EDN1: variants seen among roughly 807,000 people sequenced by gnomAD.
The protein encoded by EDN1 is endothelin 1, also known as endothelin-1.
EDN1 carries 11 observed loss-of-function variants against 21.7 expected under a neutral mutation model. That is an observed-to-expected ratio of 0.51 (90% confidence interval 0.32 to 0.84). The LOEUF (loss-of-function observed/expected upper bound fraction) is 0.84, where lower values mean the gene tolerates loss of function less well. Among genes scored for constraint, EDN1 ranks in the 40% least tolerant of loss-of-function variants. The probability of loss-of-function intolerance (pLI) is 0.03; values close to 1 mark genes in which losing one functional copy is unlikely to be tolerated. For synonymous variants in EDN1, 85 were observed against 90.6 expected, an observed-to-expected ratio of 0.94 and a Z score of 0.35; for missense variants, 244 against 262.3, an observed-to-expected ratio of 0.93 and a Z score of 0.48.
chr6:12,234,218 A>T, the EDN1 span, among the ~76,000 whole-genome samples: 1 of 152,208 alleles, frequency 6.6e-6, no homozygotes, highest in African/African-American at 2.4e-5. Flanking sequence ...AAACTGGCAC[A>T]ATTTGAGAGC....
upstream of EDN1, chr6:12,290,298 A>G (rs1281883001): frequency 2.9e-6 from 1 of 348,352 alleles, no homozygotes; most frequent in African/African-American, 2.1e-5. Context: ...ATAAAGTCGG[A>G]GCTGTTTACC....
At chr6:12,264,571 G>T in the EDN1 span, among the ~76,000 whole-genome samples, 1 of 152,092 alleles carries the variant, frequency 6.6e-6, no homozygotes, top group Non-Finnish European at 1.5e-5. Flanking sequence ...AGGAAGAATT[G>T]TTTTGGGCCA....
At position 12,292,418 on chromosome 6, in the gene EDN1, C is replaced by G; in HGVS notation, c.142C>G (p.Arg48Gly). The G allele has an allele frequency of 6.2e-7, 1 of 1,614,212 alleles. No individual in the cohort carries two copies. The highest frequency in any genetic ancestry group is 8.5e-7 in the Non-Finnish European group (1 of 1,180,050). The change falls in exon 2 of 5, where the codon CGC becomes GGC. Residue 48 changes from arginine to glycine, a missense_variant. Arg to Gly is a moderately radical substitution (Grantham distance 125, BLOSUM62 -2). Transcript: ENST00000379375. ...KPTPSPPWRL[R>G]RSKRCSCSSL... ...CACTCCCAGTCCACCCTGGCGGCTC[C>G]GCCGGTCCAAGCGCTGCTCCTGCTC... is the stretch of plus-strand genomic sequence containing the variant.
the EDN1 span, among the ~76,000 whole-genome samples, chr6:12,233,167 C>G: frequency 6.6e-6 from 1 of 152,216 alleles, no homozygotes; most frequent in Non-Finnish European, 1.5e-5. Context: ...GGTCCTGAGT[C>G]CTTTTCAGCT....
upstream of EDN1, among the ~76,000 whole-genome samples, chr6:12,288,695 C>T (rs144185365): frequency 1.3e-5 from 2 of 152,268 alleles, no homozygotes; most frequent in Non-Finnish European, 1.5e-5. Flanking sequence ...CCTGTTCCCC[C>T]AGCTGTGACT....
At chr6:12,286,104 A>G (rs1012045608), upstream of EDN1, among the ~76,000 whole-genome samples, 8 of 152,268 alleles carry the variant, frequency 5.3e-5, no homozygotes, top group African/African-American at 1.9e-4. Flanking sequence ...AAAAATGTAC[A>G]GGTGGCACCC....
At position 12,294,259 on chromosome 6, in the gene EDN1, A is replaced by C; in HGVS notation, c.390-2A>C. The C allele has an allele frequency of 6.2e-7, 1 of 1,614,204 alleles. No homozygotes were observed. The highest frequency in any genetic ancestry group is 1.1e-5 in the South Asian group (1 of 91,078). ...AATGTTTTTCCTTGTGTATTTTAAC[A>C]GGGCTGAAGACATTATGGAGAAAGA... On this transcript the variant is annotated splice_acceptor_variant, in intron 3 of 4. Coordinates refer to ENST00000379375, the MANE Select transcript of EDN1 (RefSeq NM_001955.5). LOFTEE classifies it high-confidence loss of function.
At chr6:12,295,267 G>C (rs1233597209) in intron 4 of EDN1, among the ~76,000 whole-genome samples, 2 of 152,038 alleles carry the variant, frequency 1.3e-5, no homozygotes, top group Non-Finnish European at 2.9e-5. Context: ...CTACTTCTGA[G>C]TTATTTACTA....
chr6:12,278,166 A>G, the EDN1 span, among the ~76,000 whole-genome samples: 1 of 152,208 alleles, frequency 6.6e-6, no homozygotes, highest in African/African-American at 2.4e-5. Flanking sequence ...AGTATCTAGG[A>G]AGAGAAGCAG....
the EDN1 span, among the ~76,000 whole-genome samples, chr6:12,249,369 A>G: frequency 6.6e-6 from 1 of 152,128 alleles, no homozygotes; most frequent in South Asian, 2.1e-4. Context: ...CATTATATGG[A>G]TTGTAAAATG....
chr6:12,244,424 C>T, the EDN1 span, among the ~76,000 whole-genome samples: 1 of 152,198 alleles, frequency 6.6e-6, no homozygotes, highest in Non-Finnish European at 1.5e-5. Context: ...GTCTGGTTTA[C>T]ACAAGCAGGT....
chr6:12,291,953 A>G (rs974013188), intron 1 of EDN1, among the ~76,000 whole-genome samples: 2 of 152,190 alleles, frequency 1.3e-5, no homozygotes, highest in African/African-American at 4.8e-5. Context: ...TCATGTGCCA[A>G]TGTTAAGTAA....
chr6:12,255,893 TAA>T, the EDN1 span, among the ~76,000 whole-genome samples: 1 of 152,230 alleles, frequency 6.6e-6, no homozygotes, highest in Non-Finnish European at 1.5e-5. Context: ...TAAATCTCTC[TAA>T]AGATATGTTG....
At chr6:12,288,419 G>A (rs901635941), upstream of EDN1, among the ~76,000 whole-genome samples, 2 of 152,106 alleles carry the variant, frequency 1.3e-5, no homozygotes, top group Non-Finnish European at 2.9e-5. Flanking sequence ...TGGCACAGGC[G>A]GCAGCGCTGG....
chr6:12,274,948 T>TCCTG, the EDN1 span, among the ~76,000 whole-genome samples: 4 of 142,728 alleles, frequency 2.8e-5, no homozygotes, highest in East Asian at 2.0e-4. Flanking sequence ...TCTCCTTCCT[T>TCCTG]CCTTCCTTCC....
chr6:12,292,874 C>A (rs1487797643), intron 2 of EDN1, among the ~76,000 whole-genome samples: 1 of 152,154 alleles, frequency 6.6e-6, no homozygotes, highest in Non-Finnish European at 1.5e-5. Flanking sequence ...GCAACCTGTG[C>A]TTCTCATGGG....
chr6:12,257,486 G>A, the EDN1 span, among the ~76,000 whole-genome samples: 1 of 152,142 alleles, frequency 6.6e-6, no homozygotes, highest in Non-Finnish European at 1.5e-5. Flanking sequence ...GAGGGATTTT[G>A]GGGATACAAG....
chr6:12,294,834 G>A (rs977391047), intron 4 of EDN1, among the ~76,000 whole-genome samples: 1 of 150,932 alleles, frequency 6.6e-6, no homozygotes, highest in Admixed American at 6.6e-5. Flanking sequence ...TCAATAAGTT[G>A]CAGTTATTCA....
the EDN1 span, among the ~76,000 whole-genome samples, chr6:12,262,892 T>A: frequency 7.1e-6 from 1 of 140,744 alleles, no homozygotes; most frequent in Non-Finnish European, 1.6e-5. Flanking sequence ...AAAAAAAAAA[T>A]TCAATTAACC....
Sources: gnomAD v4.1 joint callset for allele counts (sites outside exome capture counted in the v4.1 genomes callset) on GRCh38, gnomAD v4.1.1 for gene constraint, MANE v1.5 for transcripts, NCBI Gene and HGNC (gene_info 2026-07-23, HGNC 2026-07-21) for gene names.